Variants in TF observed in about 807,000 individuals in gnomAD.
The protein encoded by TF is serotransferrin.
Under a neutral mutation model 82.4 loss-of-function variants are expected in TF, and 55 were observed. The observed-to-expected ratio is 0.67, with a 90% CI of 0.54 to 0.84. The LOEUF is 0.84. Among genes scored for constraint, TF ranks in the 40% least tolerant of loss-of-function variants. The probability of loss-of-function intolerance (pLI) is 0.00; values close to 1 mark genes in which losing one functional copy is unlikely to be tolerated. For synonymous variants in TF, 332 were observed against 332.6 expected (o/e 1.00, Z 0.02); for missense variants, 737 against 868.4 (o/e 0.85, Z 1.90).
At position 133,789,350 on chromosome 3, in the gene TF, C is replaced by T. The variant is rs1934771074; in HGVS notation, c.*10730C>T. 2.6e-5 allele frequency: 4 copies of T among 152,204 alleles called. No homozygotes were observed. The highest frequency in any genetic ancestry group is 2.6e-4 in the Admixed American group (4 of 15,292). The allele number at this position is 152,204 out of a possible 1,614,324, so 9.4% of individuals were successfully genotyped here. ...GGCCTAGTTATTATGTGATGTTCTC[C>T]TTTGGTGCTGTTTGACCCCAGTGTT... is the stretch of plus-strand genomic sequence containing the variant. On this transcript the variant is annotated 3_prime_UTR_variant, in exon 17 of 17. Coordinates refer to ENST00000402696, the MANE Select transcript of TF (RefSeq NM_001063.4).
rs568766840 is a variant in TF at position 133,748,883 on chromosome 3, G to A, written c.216+299G>A. Among the ~76,000 whole-genome samples, 5 of 152,252 alleles carry A rather than the reference G, an allele frequency of 3.3e-5. No individual in the cohort carries two copies. In the East Asian group the frequency reaches 9.7e-4, roughly 30 times the overall value. On this transcript the variant is annotated intron_variant, in intron 2 of 16. Coordinates refer to ENST00000402696, the MANE Select transcript of TF (RefSeq NM_001063.4). The stretch of plus-strand genomic sequence containing the variant: ...TATAAGAATGCCTGCTATCAGGCTG[G>A]GCGCGGTGGCTCATGCCTGAAATCC...
At chr3:133,736,260 ATTT>A in the TF span, among the ~76,000 whole-genome samples, 1 of 152,160 alleles carries the variant, frequency 6.6e-6, no homozygotes, top group Non-Finnish European at 1.5e-5. Context: ...CTGCTGAGAG[ATTT>A]TGTCACCACC....
At chr3:133,662,269 G>A in the TF span, 1 of 152,248 alleles carries the variant, frequency 6.6e-6, no homozygotes. Flanking sequence ...CACGGGAAAA[G>A]GTATTATCCA....
At position 133,783,965 on chromosome 3, in the gene TF, CG is replaced by C. The variant is rs1934579268; in HGVS notation, c.*5346del. ...GCGGGAAGCAGGGAGGCGGCCCCAACGCCGCGGAGGCCACCAGCGGGTGCAG... is the reference window on the plus strand; with the variant it reads ...GCGGGAAGCAGGGAGGCGGCCCCAACCCGCGGAGGCCACCAGCGGGTGCAG... On this transcript the variant is annotated 3_prime_UTR_variant, in exon 17 of 17. Coordinates refer to ENST00000402696, the MANE Select transcript of TF (RefSeq NM_001063.4). 6.6e-6 allele frequency: 1 copy of C among 152,644 alleles called. No homozygotes were observed. Among genetic ancestry groups the C allele is most frequent in the Non-Finnish European group, 1.5e-5 (1 of 68,386 alleles). The allele number at this position is 152,644 out of a possible 1,614,324, so 9.5% of individuals were successfully genotyped here.
At position 133,783,229 on chromosome 3, in the gene TF, T is replaced by C. The variant is rs139729312; in HGVS notation, c.*4609T>C. 6.6e-6 allele frequency: 1 copy of C among 152,326 alleles called. No homozygotes were observed. Among genetic ancestry groups the C allele is most frequent in the African/African-American group, 2.4e-5 (1 of 41,568 alleles). The allele number at this position is 152,326 out of a possible 1,614,324, so 9.4% of individuals were successfully genotyped here. A position where few individuals can be genotyped will look rare whatever the true frequency, so the allele number is the denominator to read the frequency against. ...AGCTTATTTTAAAAAATGAAATGTATAATGATGACTGGAAAGGGTGGTAGT... is the reference window on the plus strand; with the variant it reads ...AGCTTATTTTAAAAAATGAAATGTACAATGATGACTGGAAAGGGTGGTAGT... On this transcript the variant is annotated 3_prime_UTR_variant, in exon 17 of 17. Transcript: ENST00000402696.
the TF span, among the ~76,000 whole-genome samples, chr3:133,733,239 C>T: frequency 6.6e-6 from 1 of 151,636 alleles, no homozygotes; most frequent in Non-Finnish European, 1.5e-5. Flanking sequence ...TTTCCACTCC[C>T]GAGCATCTAC....
chr3:133,730,620 T>C, the TF span, among the ~76,000 whole-genome samples: 1 of 152,190 alleles, frequency 6.6e-6, no homozygotes, highest in Non-Finnish European at 1.5e-5. Context: ...GTCCCAATTC[T>C]AAGAACCTGG....
At chr3:133,748,326 T>G in intron 1 of TF, 86 bp from the exon 2 acceptor site, 1 of 1,527,358 alleles carries the variant, frequency 6.5e-7, no homozygotes, top group Non-Finnish European at 9.0e-7. Context: ...TGAGGGGATG[T>G]GGCTGTCAAG....
At chr3:133,710,443 C>A in the TF span, among the ~76,000 whole-genome samples, 6 of 152,222 alleles carry the variant, frequency 3.9e-5, no homozygotes, top group African/African-American at 1.4e-4. Flanking sequence ...CTCTGCTCCA[C>A]ATGCCACATT....
At position 133,784,319 on chromosome 3, in the gene TF, C is replaced by T. The variant is rs1204093219; in HGVS notation, c.*5699C>T. On this transcript the variant is annotated 3_prime_UTR_variant, in exon 17 of 17. Transcript: ENST00000402696. Reference sequence around the variant, plus strand: ...GATTACTGGCTGTTTATAGAAGGCCCGTGTATATCCTATGAAGAAGCTGCT... The same window carrying T: ...GATTACTGGCTGTTTATAGAAGGCCTGTGTATATCCTATGAAGAAGCTGCT... The T allele has an allele frequency of 2.0e-5, 3 of 151,956 alleles. No individual in the cohort carries two copies. The highest frequency in any genetic ancestry group is 2.1e-4 in the South Asian group (1 of 4,822). The allele number at this position is 151,956 out of a possible 1,614,324, so 9.4% of individuals were successfully genotyped here.
At chr3:133,696,235 A>G in the TF span, among the ~76,000 whole-genome samples, 4 of 152,108 alleles carry the variant, frequency 2.6e-5, no homozygotes, top group African/African-American at 9.7e-5. Flanking sequence ...GTTGGAGGCT[A>G]CAGCGAGCTA....
chr3:133,676,551 G>T, the TF span, among the ~76,000 whole-genome samples: 1 of 152,142 alleles, frequency 6.6e-6, no homozygotes, highest in East Asian at 1.9e-4. Context: ...CTGGGGTAGG[G>T]TATCTTATGT....
intron 11 of TF, among the ~76,000 whole-genome samples, chr3:133,765,534 C>CTGA (rs1417318592): frequency 1.3e-5 from 2 of 152,180 alleles, no homozygotes; most frequent in African/African-American, 4.8e-5. Context: ...AGGTCACATT[C>CTGA]CAGACAGCCA....
chr3:133,713,554 T>G, the TF span, among the ~76,000 whole-genome samples: 3 of 152,232 alleles, frequency 2.0e-5, no homozygotes, highest in Non-Finnish European at 2.9e-5. Flanking sequence ...TGCTTCTTCA[T>G]GCATCGCTTG....
chr3:133,701,217 G>A, the TF span: 3 of 152,310 alleles, frequency 2.0e-5, no homozygotes, highest in South Asian at 4.1e-4. Context: ...GGTTTTCTGT[G>A]ATTAGAAAGT....
At chr3:133,663,577 A>G in the TF span, among the ~76,000 whole-genome samples, 2 of 152,174 alleles carry the variant, frequency 1.3e-5, no homozygotes, top group East Asian at 1.9e-4. Flanking sequence ...TACAGTTAAC[A>G]TGGGACTCCT....
chr3:133,765,094 A>G (rs1945992407), intron 11 of TF, among the ~76,000 whole-genome samples, 187 bp downstream of exon 11: 1 of 152,214 alleles, frequency 6.6e-6, no homozygotes, highest in African/African-American at 2.4e-5. Flanking sequence ...GCTTGCACAC[A>G]GGATTTTTCA....
chr3:133,754,394 A>G lies in TF; in HGVS notation c.326-101A>G, dbSNP rs973469609. ...CCTTATCGCCCAGTCCAGTAAAAGC[A>G]TGGCCTCTCCGCTCCCCTCCCTCCT... On this transcript the variant is annotated intron_variant, in intron 3 of 16. Coordinates refer to ENST00000402696, the MANE Select transcript of TF (RefSeq NM_001063.4). The G allele has an allele frequency of 1.0e-5, 13 of 1,248,082 alleles. No individual in the cohort carries two copies. In the East Asian group the frequency reaches 2.6e-4, roughly 24 times the overall value. 77.3% of individuals were successfully genotyped at this position (1,248,082 alleles called of 1,614,324 possible). A position where few individuals can be genotyped will look rare whatever the true frequency, so the allele number is the denominator to read the frequency against.
chr3:133,708,083 C>T, the TF span, among the ~76,000 whole-genome samples: 1 of 152,060 alleles, frequency 6.6e-6, no homozygotes, highest in Admixed American at 6.6e-5. Flanking sequence ...AAAACTTAAA[C>T]AAGTGCATAC....
Sources: gnomAD v4.1 joint callset for allele counts (sites outside exome capture counted in the v4.1 genomes callset) on GRCh38, gnomAD v4.1.1 for gene constraint, MANE v1.5 for transcripts, NCBI Gene and HGNC (gene_info 2026-07-23, HGNC 2026-07-21) for gene names.